ZBBX: variants seen among roughly 807,000 people sequenced by gnomAD.
ZBBX encodes zinc finger B-box domain containing.
Under a neutral mutation model 108.5 loss-of-function variants are expected in ZBBX, and 101 were observed. The ratio of observed to expected loss-of-function variants is 0.93; its 90% CI spans 0.79 to 1.10. The LOEUF (loss-of-function observed/expected upper bound fraction) is 1.10. ZBBX is among the 50% of genes least tolerant of loss of function. The probability of loss-of-function intolerance (pLI) is 0.00; values close to 1 mark genes in which losing one functional copy is unlikely to be tolerated. For synonymous variants in ZBBX, 356 were observed against 323.4 expected, an observed-to-expected ratio of 1.10 and a Z score of -1.08; for missense variants, 1,009 against 941.4, an observed-to-expected ratio of 1.07 and a Z score of -0.94.
At chr3:167,218,926 G>A in the ZBBX span, among the ~76,000 whole-genome samples, 3 of 151,838 alleles carry the variant, frequency 2.0e-5, no homozygotes, top group African/African-American at 4.8e-5. Context: ...AAAAATCAAC[G>A]TATGGAGAAA....
At chr3:167,192,884 C>G in the ZBBX span, among the ~76,000 whole-genome samples, 1 of 152,124 alleles carries the variant, frequency 6.6e-6, no homozygotes, top group Non-Finnish European at 1.5e-5. Context: ...TCTGTGTTAT[C>G]TCAGAGATCA....
intron 1 of ZBBX, among the ~76,000 whole-genome samples, chr3:167,396,125 G>A (rs1422066088): frequency 6.6e-6 from 1 of 151,964 alleles, no homozygotes; most frequent in Non-Finnish European, 1.5e-5. Context: ...TACAGTTCCT[G>A]AATAGATCTA....
chr3:167,403,668 T>C (rs995762087), intron 1 of ZBBX, among the ~76,000 whole-genome samples: 12 of 152,050 alleles, frequency 7.9e-5, no homozygotes, highest in African/African-American at 2.7e-4. Context: ...TAAATAGAAT[T>C]ATAATTTGAT....
chr3:167,269,581 T>A (rs1483372996), intron 20 of ZBBX, among the ~76,000 whole-genome samples: 1 of 151,974 alleles, frequency 6.6e-6, no homozygotes. Flanking sequence ...CCAGAGGAAG[T>A]GGTGAGGAGG....
At chr3:167,297,660 A>C (rs930820288) in intron 18 of ZBBX, among the ~76,000 whole-genome samples, 4 of 152,038 alleles carry the variant, frequency 2.6e-5, no homozygotes, top group African/African-American at 7.2e-5. Flanking sequence ...TCCAGAATAT[A>C]ATAAGGAACT....
At chr3:167,181,169 C>T in the ZBBX span, among the ~76,000 whole-genome samples, 1 of 152,296 alleles carries the variant, frequency 6.6e-6, no homozygotes, top group African/African-American at 2.4e-5. Flanking sequence ...TGTCTTTCCA[C>T]TTGAAGCGGT....
the ZBBX span, among the ~76,000 whole-genome samples, chr3:167,202,252 G>T: frequency 3.9e-5 from 6 of 152,084 alleles, no homozygotes; most frequent in Non-Finnish European, 7.4e-5. Flanking sequence ...TTCAGGAAAA[G>T]TTTAGTTTTA....
chr3:167,250,308 A>G (rs73042076), intron 20 of ZBBX, among the ~76,000 whole-genome samples: 1,960 of 152,256 alleles, frequency 0.013, 48 homozygotes, highest in African/African-American at 0.045. Flanking sequence ...CAAAATTCCC[A>G]GGATGTGCCT....
Position 167,302,062 on chromosome 3 carries a change from G to A in ZBBX, c.1725+3581C>T, listed in dbSNP as rs181603225. 2.3e-3 allele frequency among the ~76,000 whole-genome samples: 348 copies of A among 151,250 alleles called. 3 individuals are homozygous for A. The highest frequency in any genetic ancestry group is 0.017 in the Admixed American group (264 of 15,184). ...TATTGTATTATGGTTGGAAAACACCGTGTGTAATATGATTTCTTTAGCATT... is the reference window on the plus strand; with the variant it reads ...TATTGTATTATGGTTGGAAAACACCATGTGTAATATGATTTCTTTAGCATT... On this transcript the variant is annotated intron_variant, in intron 17 of 21. Transcript: ENST00000675490.
intron 10 of ZBBX, chr3:167,331,427 A>G: frequency 3.5e-6 from 1 of 288,842 alleles, no homozygotes; most frequent in Non-Finnish European, 5.2e-6. Context: ...CTAATGAACA[A>G]GCATTGAAAA....
At chr3:167,351,983 T>C (rs939800442) in intron 8 of ZBBX, among the ~76,000 whole-genome samples, 1 of 152,040 alleles carries the variant, frequency 6.6e-6, no homozygotes, top group Admixed American at 6.6e-5. Flanking sequence ...AGTGTTCAGC[T>C]GGTGACCTGG....
At chr3:167,180,656 T>C in the ZBBX span, among the ~76,000 whole-genome samples, 1 of 152,236 alleles carries the variant, frequency 6.6e-6, no homozygotes, top group Non-Finnish European at 1.5e-5. Flanking sequence ...TGGCAAATTG[T>C]TGAACTGTTT....
At chr3:167,235,080 C>T (rs1720177594), downstream of ZBBX, among the ~76,000 whole-genome samples, 1 of 151,662 alleles carries the variant, frequency 6.6e-6, no homozygotes, top group African/African-American at 2.4e-5. Flanking sequence ...ACTTCCTTAC[C>T]AGAGAAATAT....
intron 20 of ZBBX, among the ~76,000 whole-genome samples, chr3:167,267,879 C>T (rs73169138): frequency 0.22 from 32,618 of 150,934 alleles, 4,425 homozygotes; most frequent in South Asian, 0.32. Flanking sequence ...CCACTCATTG[C>T]CCCCAATCCT....
chr3:167,394,132 A>G (rs763190262), intron 1 of ZBBX, among the ~76,000 whole-genome samples: 4 of 151,932 alleles, frequency 2.6e-5, no homozygotes, highest in Non-Finnish European at 5.9e-5. Flanking sequence ...TAATTAATTA[A>G]GTATAAATTC....
chr3:167,359,480 C>T lies in ZBBX; in HGVS notation c.432+390G>A, dbSNP rs74315877. On this transcript the variant is annotated intron_variant, in intron 8 of 21. Transcript: ENST00000675490. ...AGAATATGATGACAGCAAGTATAGA[C>T]AACTCTTCAGAAGAGTTTTACAATA... 9.9e-5 allele frequency among the ~76,000 whole-genome samples: 15 copies of T among 152,242 alleles called. No homozygotes were observed. The East Asian group carries it at 1.9e-3, about 20-fold the overall frequency.
intron 9 of ZBBX, among the ~76,000 whole-genome samples, chr3:167,334,559 G>A (rs1739235006): frequency 6.6e-6 from 1 of 152,010 alleles, no homozygotes; most frequent in African/African-American, 2.4e-5. Flanking sequence ...TGGCGACAGA[G>A]CAACACTCCA....
chr3:167,262,003 C>G (rs1421852557), intron 20 of ZBBX, among the ~76,000 whole-genome samples: 2 of 152,168 alleles, frequency 1.3e-5, no homozygotes, highest in Non-Finnish European at 2.9e-5. Flanking sequence ...GTAGGTGACC[C>G]AACAAGCTCC....
intron 1 of ZBBX, among the ~76,000 whole-genome samples, chr3:167,392,193 C>A (rs2108637468): frequency 6.6e-6 from 1 of 151,930 alleles, no homozygotes; most frequent in Non-Finnish European, 1.5e-5. Context: ...CTCAGCATAA[C>A]ATTTTTGTGA....
Sources: gnomAD v4.1 joint callset for allele counts (sites outside exome capture counted in the v4.1 genomes callset) on GRCh38, gnomAD v4.1.1 for gene constraint, MANE v1.5 for transcripts, NCBI Gene and HGNC (gene_info 2026-07-23, HGNC 2026-07-21) for gene names.